ACTR3C: variants seen among roughly 807,000 people sequenced by gnomAD.
The protein encoded by ACTR3C is actin related protein 3C, also known as actin-related protein 3C.
A neutral mutation model predicts 26.3 loss-of-function variants in ACTR3C; 18 were observed. The observed-to-expected ratio is 0.68, with a 90% CI of 0.47 to 1.01. The LOEUF is 1.01. Ranked by LOEUF, ACTR3C falls within the 50% of genes least tolerant of loss-of-function variation. The pLI, the probability that ACTR3C is intolerant of heterozygous loss-of-function variation, is 0.00. For missense variants in ACTR3C, 184 were observed against 250.7 expected (o/e 0.73, Z 1.80); for synonymous variants, 55 against 94.5 (o/e 0.58, Z 2.42).
At chr7:149,919,607 T>C in the ACTR3C span, among the ~76,000 whole-genome samples, 1 of 152,010 alleles carries the variant, frequency 6.6e-6, no homozygotes, top group East Asian at 1.9e-4. Context: ...TATATGTAAC[T>C]ACCATAGTTT....
the ACTR3C span, among the ~76,000 whole-genome samples, chr7:150,176,127 T>C: frequency 1.3e-5 from 2 of 150,818 alleles, no homozygotes; most frequent in African/African-American, 5.0e-5. Context: ...ACACATATAA[T>C]TTCCCAAAGT....
the ACTR3C span, among the ~76,000 whole-genome samples, chr7:149,975,001 C>T: frequency 6.6e-6 from 1 of 152,124 alleles, no homozygotes; most frequent in Non-Finnish European, 1.5e-5. Flanking sequence ...TTATTGTGGA[C>T]ACGACACTGG....
the ACTR3C span, among the ~76,000 whole-genome samples, chr7:149,968,837 C>A: frequency 1.4e-3 from 206 of 147,654 alleles, no homozygotes; most frequent in African/African-American, 5.2e-3. Flanking sequence ...CAGAGAGGCC[C>A]GCTGTGCCTG....
the ACTR3C span, among the ~76,000 whole-genome samples, chr7:150,221,301 CTTCT>C: frequency 6.6e-6 from 1 of 152,052 alleles, no homozygotes. Context: ...TCTTCGTTTC[CTTCT>C]TTTTCTTTTG....
At chr7:150,169,380 T>G in the ACTR3C span, among the ~76,000 whole-genome samples, 1 of 84,306 alleles carries the variant, frequency 1.2e-5, no homozygotes, top group Non-Finnish European at 2.4e-5. Flanking sequence ...GAGACTCCAT[T>G]TCAAAAGGAA....
the ACTR3C span, among the ~76,000 whole-genome samples, chr7:150,050,336 C>T: frequency 1.3e-5 from 2 of 152,146 alleles, no homozygotes; most frequent in Non-Finnish European, 2.9e-5. Context: ...ATACATGATA[C>T]TTCATAGATG....
At chr7:149,983,953 G>A in the ACTR3C span, among the ~76,000 whole-genome samples, 2 of 152,038 alleles carry the variant, frequency 1.3e-5, no homozygotes, top group African/African-American at 4.8e-5. Context: ...CTTGCCAGGG[G>A]CTTGGGATAA....
intron 6 of ACTR3C, among the ~76,000 whole-genome samples, chr7:150,282,245 C>T (rs1584919117): frequency 6.8e-6 from 1 of 148,124 alleles, no homozygotes; most frequent in Admixed American, 6.6e-5. Context: ...GGACCTGAGG[C>T]GATGTGTTCC....
At chr7:150,229,771 C>CT in the ACTR3C span, among the ~76,000 whole-genome samples, 1 of 150,742 alleles carries the variant, frequency 6.6e-6, no homozygotes, top group African/African-American at 2.5e-5. Flanking sequence ...GCTGGGATAA[C>CT]AGGCGTGAGC....
At chr7:149,886,984 A>T in the ACTR3C span, among the ~76,000 whole-genome samples, 1 of 152,066 alleles carries the variant, frequency 6.6e-6, no homozygotes, top group Non-Finnish European at 1.5e-5. Flanking sequence ...TGAATATGAT[A>T]AACATAGCAA....
chr7:149,897,060 C>T, the ACTR3C span, among the ~76,000 whole-genome samples: 13 of 128,140 alleles, frequency 1.0e-4, no homozygotes, highest in South Asian at 2.7e-3. Context: ...GACACCGTCT[C>T]CAAAAAAAAA....
chr7:150,200,717 G>T, the ACTR3C span, among the ~76,000 whole-genome samples: 7 of 152,040 alleles, frequency 4.6e-5, no homozygotes, highest in Non-Finnish European at 7.3e-5. Context: ...TGAACGAACA[G>T]ACATACAAAG....
chr7:149,907,472 CTT>C, the ACTR3C span, among the ~76,000 whole-genome samples: 3 of 91,806 alleles, frequency 3.3e-5, no homozygotes, highest in Non-Finnish European at 2.4e-5. Flanking sequence ...TCTTGCCTCT[CTT>C]CTCTTCTCTC....
chr7:149,910,657 T>C, the ACTR3C span, among the ~76,000 whole-genome samples: 1 of 152,174 alleles, frequency 6.6e-6, no homozygotes, highest in Non-Finnish European at 1.5e-5. Flanking sequence ...CTGCTAACAC[T>C]AGCAGTGTTG....
At chr7:149,969,269 C>CTGTG in the ACTR3C span, among the ~76,000 whole-genome samples, 743 of 141,460 alleles carry the variant, frequency 5.3e-3, 11 homozygotes, top group African/African-American at 0.019. Flanking sequence ...TCAGAAAGAG[C>CTGTG]TGTGTGTGTG....
chr7:149,945,758 T>G, the ACTR3C span, among the ~76,000 whole-genome samples: 1 of 152,074 alleles, frequency 6.6e-6, no homozygotes, highest in Non-Finnish European at 1.5e-5. Flanking sequence ...GAAAACCACA[T>G]CGGGTTCTGG....
chr7:150,098,781 G>A, the ACTR3C span, among the ~76,000 whole-genome samples: 20 of 151,772 alleles, frequency 1.3e-4, 1 homozygote, highest in South Asian at 1.0e-3. Flanking sequence ...TTACCAAACC[G>A]TCTCAAGATG....
the ACTR3C span, among the ~76,000 whole-genome samples, chr7:150,030,631 CT>C: frequency 6.6e-6 from 1 of 152,172 alleles, no homozygotes; most frequent in African/African-American, 2.4e-5. Context: ...TTTATCTTCC[CT>C]GTTCAGGAAG....
the ACTR3C span, among the ~76,000 whole-genome samples, chr7:150,198,000 A>G: frequency 4.3e-4 from 65 of 151,096 alleles, no homozygotes; most frequent in Admixed American, 4.0e-3. Flanking sequence ...GATTGCAGGC[A>G]TGCGCCGCCA....
Sources: allele counts gnomAD v4.1 joint callset (sites outside exome capture counted in the v4.1 genomes callset), GRCh38; gene constraint gnomAD v4.1.1; transcripts MANE v1.5; gene names NCBI Gene and HGNC (gene_info 2026-07-23, HGNC 2026-07-21).